Variants in RABGAP1L observed in about 807,000 individuals in gnomAD.
RABGAP1L encodes rab GTPase-activating protein 1-like.
Under a neutral mutation model 137.7 loss-of-function variants are expected in RABGAP1L, and 63 were observed. The ratio of observed to expected loss-of-function variants is 0.46; its 90% CI spans 0.37 to 0.56. RABGAP1L has a LOEUF of 0.56. RABGAP1L is among the 20% of genes least tolerant of loss of function. The pLI is 0.00. For missense variants in RABGAP1L, 1,095 were observed against 1,244.0 expected (o/e 0.88, Z 1.80); for synonymous variants, 431 against 433.7 (o/e 0.99, Z 0.08).
chr1:174,778,268 A>T (rs1484234907), intron 18 of RABGAP1L, among the ~76,000 whole-genome samples: 1 of 152,226 alleles, frequency 6.6e-6, no homozygotes, highest in Non-Finnish European at 1.5e-5. Context: ...ACATGTTAAA[A>T]ATACTAAGCA....
chr1:174,869,882 C>T (rs1489895319), intron 19 of RABGAP1L, among the ~76,000 whole-genome samples: 7 of 152,110 alleles, frequency 4.6e-5, no homozygotes, highest in Non-Finnish European at 1.0e-4. Context: ...AACACGCTCC[C>T]ACCAGACACC....
At chr1:174,185,783 G>A (rs1309376836) in intron 1 of RABGAP1L, among the ~76,000 whole-genome samples, 1 of 152,086 alleles carries the variant, frequency 6.6e-6, no homozygotes, top group Admixed American at 6.5e-5. Context: ...TTGATATATT[G>A]GCAAGTATTT....
chr1:174,732,860 C>T (rs568164003), intron 17 of RABGAP1L, among the ~76,000 whole-genome samples: 3 of 152,206 alleles, frequency 2.0e-5, no homozygotes, highest in South Asian at 4.2e-4. Flanking sequence ...AAGACTCTGT[C>T]CTGTTTAGTG....
intron 13 of RABGAP1L, among the ~76,000 whole-genome samples, chr1:174,614,713 A>T (rs1005639846): frequency 8.5e-5 from 13 of 152,308 alleles, no homozygotes; most frequent in African/African-American, 3.1e-4. Context: ...TTTCAGGTAC[A>T]CCAATCAGAC....
At chr1:174,920,596 C>G (rs994628486) in intron 19 of RABGAP1L, among the ~76,000 whole-genome samples, 2 of 152,110 alleles carry the variant, frequency 1.3e-5, no homozygotes, top group African/African-American at 4.8e-5. Context: ...TTGAATATGA[C>G]TATATTTGGA....
At position 174,484,776 on chromosome 1, in the gene RABGAP1L, G is replaced by A. The variant is rs561905638; in HGVS notation, c.1710+90631G>A. 1.2e-4 allele frequency among the ~76,000 whole-genome samples: 18 copies of A among 152,240 alleles called. No homozygotes were observed. The East Asian group carries it at 3.5e-3, about 29-fold the overall frequency. On this transcript the variant is annotated intron_variant, in intron 13 of 25. Coordinates refer to ENST00000681986, the MANE Select transcript of RABGAP1L (RefSeq NM_001366446.1). ...ATGTAGCTCTGTCATATAATTTGAAGTCAGTAATGTGATTCTTCCAGTTCT... is the reference window on the plus strand; with the variant it reads ...ATGTAGCTCTGTCATATAATTTGAAATCAGTAATGTGATTCTTCCAGTTCT...
chr1:174,818,265 G>T (rs890476597), intron 19 of RABGAP1L, among the ~76,000 whole-genome samples: 1 of 152,202 alleles, frequency 6.6e-6, no homozygotes, highest in Non-Finnish European at 1.5e-5. Flanking sequence ...AGACTAGAAG[G>T]CAGGAAGAAA....
In RABGAP1L at chr1:174,522,576, A is replaced by AAAAAAAG. The variant is rs560065352; in HGVS notation, c.1711-114787_1711-114781dup. Among the ~76,000 whole-genome samples, 56 of 152,228 alleles carry AAAAAAAG rather than the reference A, an allele frequency of 3.7e-4. No homozygotes were observed. The South Asian group carries it at 5.8e-3, about 16-fold the overall frequency. On this transcript the variant is annotated intron_variant, in intron 13 of 25. Coordinates refer to ENST00000681986, the MANE Select transcript of RABGAP1L (RefSeq NM_001366446.1). ...GAGGGGAGGGAGACGAGGGAAGGGA[A>AAAAAAAG]AAAAAAGAAAAAAGAAAAGAGAAGA...
intron 13 of RABGAP1L, among the ~76,000 whole-genome samples, chr1:174,623,411 A>G (rs1370810083): frequency 3.3e-5 from 5 of 152,176 alleles, no homozygotes; most frequent in Admixed American, 3.3e-4. Context: ...TAAGTTCATA[A>G]TTAATTAAAC....
intron 11 of RABGAP1L, among the ~76,000 whole-genome samples, chr1:174,370,357 G>A (rs1379550488): frequency 6.6e-6 from 1 of 150,742 alleles, no homozygotes; most frequent in Non-Finnish European, 1.5e-5. Flanking sequence ...ATTATAAACT[G>A]TAAATCAACC....
chr1:174,628,981 T>C (rs1331251359), intron 13 of RABGAP1L, among the ~76,000 whole-genome samples: 1 of 152,242 alleles, frequency 6.6e-6, no homozygotes, highest in African/African-American at 2.4e-5. Context: ...TGATGAATTA[T>C]TGAGCCTCTT....
At chr1:174,517,623 A>G (rs958903230) in intron 13 of RABGAP1L, among the ~76,000 whole-genome samples, 6 of 152,188 alleles carry the variant, frequency 3.9e-5, no homozygotes, top group African/African-American at 1.2e-4. Flanking sequence ...AAAAAAATCA[A>G]CTATAGCTAT....
At position 174,526,181 on chromosome 1, in the gene RABGAP1L, G is replaced by A. The variant is rs146108120; in HGVS notation, c.1711-111194G>A. ...TGCATATTCTGGGTATTAGTCCTTT[G>A]TTGGATGAATAGTTTGCAAATATTG... is the stretch of plus-strand genomic sequence containing the variant. On this transcript the variant is annotated intron_variant, in intron 13 of 25. Transcript: ENST00000681986. 1.3e-5 allele frequency among the ~76,000 whole-genome samples: 2 copies of A among 152,172 alleles called. 1 individual carries two copies. Among genetic ancestry groups the A allele is most frequent in the Non-Finnish European group, 2.9e-5 (2 of 67,944 alleles).
chr1:174,448,157 A>G lies in RABGAP1L; in HGVS notation c.1710+54012A>G. ...TGAATGGAGGATCCTGAACATGAGC[A>G]GTGGCATTGTGAATGTGTCCGAGCG... On this transcript the variant is annotated intron_variant, in intron 13 of 25. Transcript: ENST00000681986. The surrounding 1 kb of genome is among the most constrained non-coding windows in gnomAD (Gnocchi z 4.2). The G allele has an allele frequency of 6.2e-7, 1 of 1,613,364 alleles. No individual in the cohort carries two copies. The highest frequency in any genetic ancestry group is 8.5e-7 in the Non-Finnish European group (1 of 1,179,378).
chr1:174,877,453 G>A (rs1472140253), intron 19 of RABGAP1L: 2 of 1,612,284 alleles, frequency 1.2e-6, no homozygotes, highest in East Asian at 2.2e-5. Context: ...CTGGTCTGGA[G>A]CTGGGACAGC....
chr1:174,677,159 C>CAAAAAAAAA (rs10636911), intron 14 of RABGAP1L, among the ~76,000 whole-genome samples: 2 of 126,354 alleles, frequency 1.6e-5, no homozygotes, highest in Admixed American at 7.8e-5. Flanking sequence ...CCATCTCTAC[C>CAAAAAAAAA]AAAAAAAAAA....
intron 14 of RABGAP1L, among the ~76,000 whole-genome samples, chr1:174,679,299 TAGTC>T (rs1465760973): frequency 6.6e-5 from 10 of 152,184 alleles, no homozygotes; most frequent in African/African-American, 1.9e-4. Context: ...TAGGGATTCT[TAGTC>T]AGCCTAGGAA....
chr1:174,468,533 T>C (rs1657551024), intron 13 of RABGAP1L, among the ~76,000 whole-genome samples: 1 of 152,214 alleles, frequency 6.6e-6, no homozygotes, highest in African/African-American at 2.4e-5. Context: ...TTAAATGTTA[T>C]TGATAAGTAA....
chr1:174,263,710 CTTT>C (rs879804697), intron 7 of RABGAP1L, among the ~76,000 whole-genome samples: 1 of 145,064 alleles, frequency 6.9e-6, no homozygotes, highest in African/African-American at 2.5e-5. Flanking sequence ...CTTTTATTTA[CTTT>C]TTTTTTTTTA....
Sources: gnomAD v4.1 joint callset for allele counts (sites outside exome capture counted in the v4.1 genomes callset) on GRCh38, gnomAD v4.1.1 for gene constraint, Gnocchi (gnomAD v3.1) non-coding constraint, MANE v1.5 for transcripts, NCBI Gene and HGNC (gene_info 2026-07-23, HGNC 2026-07-21) for gene names.